COP1: variants seen among roughly 807,000 people sequenced by gnomAD.
The protein encoded by COP1 is E3 ubiquitin-protein ligase COP1.
In COP1, 24 loss-of-function variants were observed where a neutral mutation model predicts 101.3. The observed-to-expected ratio is 0.24, with a 90% CI of 0.17 to 0.33. COP1 has a LOEUF of 0.33. Among genes scored for constraint, COP1 ranks in the 10% least tolerant of loss-of-function variants. COP1 has a pLI of 1.00. For missense variants in COP1, 663 were observed against 906.2 expected, an observed-to-expected ratio of 0.73 and a Z score of 3.45; for synonymous variants, 347 against 341.9, an observed-to-expected ratio of 1.01 and a Z score of -0.17.
chr1:176,163,934 T>C (rs1356687907), intron 3 of COP1, 43 bp from the exon 4 acceptor site: 3 of 1,366,152 alleles, frequency 2.2e-6, no homozygotes, highest in South Asian at 2.5e-5. Flanking sequence ...AATTTGTATT[T>C]TTGTTAAATG....
chr1:176,023,500 C>T (rs112970168), intron 15 of COP1, among the ~76,000 whole-genome samples: 9 of 152,036 alleles, frequency 5.9e-5, no homozygotes, highest in African/African-American at 2.2e-4. Context: ...GGGTGGATCA[C>T]CTGAGGTCAG....
chr1:176,102,128 A>T (rs2149509912), intron 9 of COP1, among the ~76,000 whole-genome samples: 1 of 152,238 alleles, frequency 6.6e-6, no homozygotes, highest in South Asian at 2.1e-4. Flanking sequence ...GTGGGGCCTC[A>T]GGAAGTTTGT....
chr1:176,054,909 C>T (rs1356505918), intron 11 of COP1, among the ~76,000 whole-genome samples: 1 of 152,208 alleles, frequency 6.6e-6, no homozygotes, highest in African/African-American at 2.4e-5. Flanking sequence ...CTTTAACTCA[C>T]TGGAATCAAG....
chr1:176,114,329 T>C lies in COP1; in HGVS notation c.1026+2295A>G, dbSNP rs1685808895. On this transcript the variant is annotated intron_variant, in intron 9 of 19. Transcript: ENST00000367669. The stretch of plus-strand genomic sequence containing the variant: ...AAAAGAATAGGCCAAATGCATGCAT[T>C]GTACATGAATATAATACAGGATGAT... Among the ~76,000 whole-genome samples, 4 of 152,154 alleles carry C rather than the reference T, an allele frequency of 2.6e-5. No homozygotes were observed. In the South Asian group the frequency reaches 8.3e-4, roughly 31 times the overall value.
At chr1:176,105,886 G>A (rs1286110254) in intron 9 of COP1, among the ~76,000 whole-genome samples, 2 of 152,094 alleles carry the variant, frequency 1.3e-5, no homozygotes, top group Non-Finnish European at 1.5e-5. Flanking sequence ...AACCACCTTT[G>A]CAAAATTATG....
intron 9 of COP1, among the ~76,000 whole-genome samples, chr1:176,107,941 G>A (rs1481388286): frequency 5.9e-5 from 9 of 151,986 alleles, no homozygotes; most frequent in African/African-American, 2.2e-4. Context: ...GAATGTTGAT[G>A]TCATAAACTG....
At chr1:176,152,085 G>A (rs2149850544) in intron 5 of COP1, among the ~76,000 whole-genome samples, 1 of 152,122 alleles carries the variant, frequency 6.6e-6, no homozygotes, top group Admixed American at 6.5e-5. Flanking sequence ...GAGCTCTGGA[G>A]TTCAAGACCA....
intron 18 of COP1, among the ~76,000 whole-genome samples, chr1:175,955,799 C>CACACACACACACACACACAT (rs1230881217): frequency 3.3e-5 from 5 of 151,500 alleles, no homozygotes; most frequent in Admixed American, 6.6e-5. Context: ...CACACACACA[C>CACACACACACACACACACAT]ACGGCCTACA....
At chr1:176,049,796 A>G (rs1672227456) in intron 11 of COP1, among the ~76,000 whole-genome samples, 1 of 152,120 alleles carries the variant, frequency 6.6e-6, no homozygotes. Context: ...CTAATACAAA[A>G]CAGATGACCT....
chr1:176,052,618 A>G (rs1044833297), intron 11 of COP1, among the ~76,000 whole-genome samples: 1 of 152,154 alleles, frequency 6.6e-6, no homozygotes, highest in Non-Finnish European at 1.5e-5. Context: ...ATATTTCATT[A>G]AAAAAATTTA....
chr1:176,140,091 C>T (rs1690436632), intron 6 of COP1, among the ~76,000 whole-genome samples: 1 of 152,082 alleles, frequency 6.6e-6, no homozygotes, highest in Non-Finnish European at 1.5e-5. Flanking sequence ...AGAAAAATTT[C>T]CAATGTCACC....
At chr1:176,002,635 C>T (rs887586901) in intron 15 of COP1, among the ~76,000 whole-genome samples, 3 of 147,684 alleles carry the variant, frequency 2.0e-5, no homozygotes, top group Non-Finnish European at 3.0e-5. Flanking sequence ...TGATAGTTTA[C>T]TGAGAATGAT....
At chr1:176,110,069 T>C (rs1402671391) in intron 9 of COP1, among the ~76,000 whole-genome samples, 1 of 152,190 alleles carries the variant, frequency 6.6e-6, no homozygotes, top group Non-Finnish European at 1.5e-5. Flanking sequence ...CATTTACTCT[T>C]TTCTAGACTG....
intron 5 of COP1, among the ~76,000 whole-genome samples, chr1:176,154,886 T>C (rs1693211943): frequency 6.6e-6 from 1 of 152,220 alleles, no homozygotes; most frequent in African/African-American, 2.4e-5. Context: ...TTAATATACT[T>C]TCTTCTGCAT....
intron 1 of COP1, among the ~76,000 whole-genome samples, chr1:176,195,273 AATG>A (rs1699546180): frequency 6.6e-6 from 1 of 152,234 alleles, no homozygotes; most frequent in Non-Finnish European, 1.5e-5. Context: ...GACATTTCAA[AATG>A]ATAAGGAGAT....
intron 3 of COP1, among the ~76,000 whole-genome samples, chr1:176,173,227 T>A (rs886588406): frequency 2.0e-5 from 3 of 147,210 alleles, no homozygotes; most frequent in South Asian, 2.2e-4. Flanking sequence ...AGGAGAATCA[T>A]GTGAGCCCAG....
At chr1:176,058,183 A>T (rs866156189) in intron 11 of COP1, among the ~76,000 whole-genome samples, 2 of 114,144 alleles carry the variant, frequency 1.8e-5, no homozygotes, top group South Asian at 3.2e-4. Flanking sequence ...CCCGGTAGGG[A>T]GGGGGGGGGT....
intron 5 of COP1, among the ~76,000 whole-genome samples, chr1:176,151,370 A>AAAGAAAGAAAGAAAG (rs1692507133): frequency 1.0e-5 from 1 of 97,756 alleles, no homozygotes; most frequent in East Asian, 5.7e-4. Context: ...AGAAAGAAAG[A>AAAGAAAGAAAGAAAG]AAGAAAGAAA....
At chr1:176,143,903 C>T (rs140727107) in intron 6 of COP1, among the ~76,000 whole-genome samples, 5 of 152,042 alleles carry the variant, frequency 3.3e-5, no homozygotes, top group African/African-American at 1.2e-4. Context: ...CTACTCAACC[C>T]CACTCAGAAA....
Sources: gnomAD v4.1 joint callset for allele counts (sites outside exome capture counted in the v4.1 genomes callset) on GRCh38, gnomAD v4.1.1 for gene constraint, MANE v1.5 for transcripts, NCBI Gene and HGNC (gene_info 2026-07-23, HGNC 2026-07-21) for gene names.